SHQ1: variants seen among roughly 807,000 people sequenced by gnomAD.
The protein encoded by SHQ1 is protein SHQ1 homolog.
SHQ1 carries 49 observed loss-of-function variants against 53.8 expected under a neutral mutation model. That is an observed-to-expected ratio of 0.91 (90% CI 0.72 to 1.16). SHQ1 has a LOEUF of 1.16. SHQ1 is among the 50% of genes most tolerant of loss of function. The pLI, the probability that SHQ1 is intolerant of heterozygous loss-of-function variation, is 0.00. For missense variants in SHQ1, 738 were observed against 683.1 expected (o/e 1.08, Z -0.90); for synonymous variants, 243 against 251.0 (o/e 0.97, Z 0.30).
intron 10 of SHQ1, among the ~76,000 whole-genome samples, chr3:72,761,868 C>G (rs1176857956): frequency 6.6e-6 from 1 of 152,166 alleles, no homozygotes; most frequent in African/African-American, 2.4e-5. Flanking sequence ...TACAGTTTCC[C>G]CTGGTTCACA....
the SHQ1 span, among the ~76,000 whole-genome samples, chr3:72,735,123 G>T: frequency 6.6e-6 from 1 of 151,758 alleles, no homozygotes; most frequent in African/African-American, 2.4e-5. Flanking sequence ...CACTAAAAGT[G>T]CCAGCAAGTG....
Position 72,792,997 on chromosome 3 carries a change from T to C in SHQ1, c.1100A>G (p.Lys367Arg), listed in dbSNP as rs754485995. The part of the protein sequence containing the change: ...AVLKCLLDIH[K>R]IFQENDPAYI... The stretch of plus-strand genomic sequence containing the variant: ...CGCTGGGTCATTTTCCTGAAAAATT[T>C]TGTGAATATCCAGGAGACACTTTAA... The change falls in exon 10 of 11, where the codon AAA (lysine) becomes AGA (arginine). Residue 367 changes from lysine to arginine, a missense_variant. Lys to Arg is a conservative substitution (Grantham distance 26, BLOSUM62 2). Transcript: ENST00000325599. 6.2e-7 allele frequency: 1 copy of C among 1,612,126 alleles called. No individual in the cohort carries two copies.
intron 5 of SHQ1, among the ~76,000 whole-genome samples, chr3:72,828,102 C>A (rs1353096823): frequency 1.3e-5 from 2 of 152,150 alleles, no homozygotes; most frequent in Non-Finnish European, 2.9e-5. Flanking sequence ...TCACTGAATG[C>A]CCTCTACGTG....
chr3:72,757,381 CTTTT>C (rs779724149), intron 10 of SHQ1, among the ~76,000 whole-genome samples: 4 of 134,920 alleles, frequency 3.0e-5, no homozygotes, highest in Middle Eastern at 3.8e-3. Context: ...CTTCTCTTTC[CTTTT>C]TTTTTTTTTT....
chr3:72,749,870 TG>T lies in SHQ1; in HGVS notation c.*413del. The T allele has an allele frequency of 8.8e-6, 2 of 227,438 alleles. No individual in the cohort carries two copies. The highest frequency in any genetic ancestry group is 8.7e-6 in the Non-Finnish European group (1 of 114,928). The allele number at this position is 227,438 out of a possible 1,614,324, so 14.1% of individuals were successfully genotyped here. A position where few individuals can be genotyped will look rare whatever the true frequency, so the allele number is the denominator to read the frequency against. On this transcript the variant is annotated 3_prime_UTR_variant, in exon 11 of 11. Coordinates refer to ENST00000325599, the MANE Select transcript of SHQ1 (RefSeq NM_018130.3). ...TGTCATAAAGTTGTCCCCGTATCTG[TG>T]GGGGGTTGGTTCCAGGACTCCTGAG...
chr3:72,848,361 C>A lies in SHQ1; in HGVS notation c.-21G>T. ...AGCATCGCCGCACCGGACGCAAGGG[C>A]CGGCGCCGCTCGCTCTCACTGCCGC... On this transcript the variant is annotated 5_prime_UTR_variant, in exon 1 of 11. Transcript: ENST00000325599. The A allele has an allele frequency of 6.2e-7, 1 of 1,612,176 alleles. No individual in the cohort carries two copies.
intron 5 of SHQ1, among the ~76,000 whole-genome samples, chr3:72,824,936 T>C (rs970410426): frequency 1.3e-5 from 2 of 152,026 alleles, no homozygotes; most frequent in Non-Finnish European, 2.9e-5. Context: ...CAAGTAGCTA[T>C]GACTATAGGC....
the SHQ1 span, among the ~76,000 whole-genome samples, chr3:72,742,734 C>T: frequency 6.7e-6 from 1 of 150,228 alleles, no homozygotes. Flanking sequence ...AAGCGATTCT[C>T]CTGCCTCAGC....
In SHQ1 at chr3:72,750,741, G is replaced by A. The variant is rs1705349040; in HGVS notation, c.1277C>T (p.Ala426Val). 1 of 1,554,418 alleles carries A rather than the reference G, an allele frequency of 6.4e-7. No homozygotes were observed. Residue 426 changes from alanine (A) to valine (V), a missense_variant, in exon 11 of 11, where the codon GCA becomes GTA. Transcript: ENST00000325599. ...GLELEELEAAALLVQEEETAL... is the reference protein window; with the variant it reads ...GLELEELEAAVLLVQEEETAL... ...AGTTTCTTCCTCCTGGACAAGCAGT[G>A]CTGCTGCTTCTAGTTCTTCCAGTTC...
At chr3:72,847,385 T>C (rs1708373373) in intron 1 of SHQ1, among the ~76,000 whole-genome samples, 3 of 152,118 alleles carry the variant, frequency 2.0e-5, no homozygotes, top group Admixed American at 2.0e-4. Flanking sequence ...GGCAATACTT[T>C]AGGATGAATA....
intron 4 of SHQ1, among the ~76,000 whole-genome samples, chr3:72,835,963 C>G (rs1707979040): frequency 6.6e-6 from 1 of 152,168 alleles, no homozygotes; most frequent in Non-Finnish European, 1.5e-5. Context: ...AATTACTGTC[C>G]ATCTCCTCAC....
intron 9 of SHQ1, among the ~76,000 whole-genome samples, chr3:72,796,821 A>G (rs761304498): frequency 2.0e-5 from 3 of 152,128 alleles, no homozygotes; most frequent in Non-Finnish European, 4.4e-5. Context: ...CTCTGTCTCA[A>G]AAACAAAAGA....
chr3:72,781,177 A>G (rs1433726012), intron 10 of SHQ1, among the ~76,000 whole-genome samples: 1 of 150,544 alleles, frequency 6.6e-6, no homozygotes, highest in Non-Finnish European at 1.5e-5. Flanking sequence ...CTCGTGCCTC[A>G]GCCTCCCAAG....
chr3:72,788,806 A>T (rs1003881245), intron 10 of SHQ1, among the ~76,000 whole-genome samples: 1 of 152,180 alleles, frequency 6.6e-6, no homozygotes, highest in African/African-American at 2.4e-5. Context: ...TGAAACATGT[A>T]CTGTGTCCAC....
In SHQ1 at chr3:72,842,369, G is replaced by C. The variant is rs759749857; in HGVS notation, c.242C>G (p.Pro81Arg). The change falls in exon 3 of 11, where the codon CCT (proline) becomes CGT (arginine). Residue 81 changes from proline (P) to arginine (R), a missense_variant. Coordinates refer to ENST00000325599, the MANE Select transcript of SHQ1 (RefSeq NM_018130.3). ...GTTCAGCCCCTCAAAATGCTGGCCA[G>C]GGGTTTCTTTGGGCAGGCGAATGGT... ...IFTIRLPKET[P>R]GQHFEGLNML... 1 of 1,613,722 alleles carries C rather than the reference G, an allele frequency of 6.2e-7. No individual in the cohort carries two copies. Among genetic ancestry groups the C allele is most frequent in the Non-Finnish European group, 8.5e-7 (1 of 1,179,770 alleles).
chr3:72,821,563 G>A (rs1017010578), intron 6 of SHQ1, among the ~76,000 whole-genome samples: 1 of 152,174 alleles, frequency 6.6e-6, no homozygotes, highest in African/African-American at 2.4e-5. Flanking sequence ...GGCTTATCTG[G>A]AATTCAAAGC....
the SHQ1 span, among the ~76,000 whole-genome samples, chr3:72,738,028 G>A: frequency 4.6e-5 from 7 of 152,154 alleles, no homozygotes; most frequent in Non-Finnish European, 5.9e-5. Context: ...TAACCCTCCC[G>A]TGTTCAGCCA....
rs1196604588 is a variant in SHQ1, at chr3:72,848,441, G to C, written c.-101C>G. ...CCCCACGCGCAGGAACTCTCGGTGTGAGGGACGGAGCTTCCGGCTCGAGGC... is the reference window on the plus strand; with the variant it reads ...CCCCACGCGCAGGAACTCTCGGTGTCAGGGACGGAGCTTCCGGCTCGAGGC... On this transcript the variant is annotated 5_prime_UTR_variant, in exon 1 of 11. Transcript: ENST00000325599. 3.3e-6 allele frequency: 5 copies of C among 1,524,022 alleles called. No homozygotes were observed. Among genetic ancestry groups the C allele is most frequent in the Non-Finnish European group, 4.4e-6 (5 of 1,141,104 alleles). The allele number at this position is 1,524,022 out of a possible 1,614,324, so 94.4% of individuals were successfully genotyped here. A position where few individuals can be genotyped will look rare whatever the true frequency, so the allele number is the denominator to read the frequency against.
the SHQ1 span, among the ~76,000 whole-genome samples, chr3:72,734,922 T>C: frequency 6.6e-6 from 1 of 151,580 alleles, no homozygotes; most frequent in African/African-American, 2.4e-5. Flanking sequence ...GTGCCGGCCA[T>C]GATCCCTGCA....
Sources: allele counts gnomAD v4.1 joint callset (sites outside exome capture counted in the v4.1 genomes callset), GRCh38; gene constraint gnomAD v4.1.1; transcripts MANE v1.5; gene names NCBI Gene and HGNC (gene_info 2026-07-23, HGNC 2026-07-21).